The following PCARE variants were observed in gnomAD, a reference collection of about 807,000 sequenced individuals.
PCARE encodes the protein uncharacterized protein C2orf71.
Under a neutral mutation model 82.2 loss-of-function variants are expected in PCARE, and 72 were observed. The observed-to-expected ratio is 0.88, with a 90% CI of 0.72 to 1.07. The LOEUF is 1.07. Ranked by LOEUF, PCARE falls within the 50% of genes least tolerant of loss-of-function variation. The pLI, the probability that PCARE is intolerant of heterozygous loss-of-function variation, is 0.00. For missense variants in PCARE, 1,768 were observed against 1,592.4 expected, an observed-to-expected ratio of 1.11 and a Z score of -1.88; for synonymous variants, 705 against 634.8, an observed-to-expected ratio of 1.11 and a Z score of -1.66.
rs554207986 is a variant in PCARE, at chr2:29,070,988, G to C, written c.3274C>G (p.Pro1092Ala). 1.9e-6 allele frequency: 3 copies of C among 1,612,240 alleles called. No individual in the cohort carries two copies. Among genetic ancestry groups the C allele is most frequent in the African/African-American group, 1.3e-5 (1 of 74,258 alleles). The change falls in exon 1 of 2, where the codon CCA becomes GCA. Residue 1092 changes from proline to alanine, a missense_variant. Coordinates refer to ENST00000331664, the MANE Select transcript of PCARE (RefSeq NM_001029883.3). ...PPFSIPSPSP[P>A]MSPSQEHKET... ...TTGTGCTCCTGAGAAGGGGACATTG[G>C]GGGTGATGGGGAGGGAATCGAGAAA... is the stretch of plus-strand genomic sequence containing the variant.
chr2:29,070,467 C>G, intron 1 of PCARE, 127 bp downstream of exon 1: 1 of 1,312,628 alleles, frequency 7.6e-7, no homozygotes, highest in Non-Finnish European at 1.1e-6. Context: ...ACACCTTTTT[C>G]CCAACTGCCT....
Position 29,064,818 on chromosome 2 carries a change from A to G in PCARE, c.*51T>C, listed in dbSNP as rs1463167283. The stretch of plus-strand genomic sequence containing the variant: ...GGGTCAGGCTGGACACTTGGCTGTC[A>G]CACTTGGCCTTCTGGGGTGACTGCG... On this transcript the variant is annotated 3_prime_UTR_variant, in exon 2 of 2. Transcript: ENST00000331664. 6.2e-7 allele frequency: 1 copy of G among 1,603,356 alleles called. No individual in the cohort carries two copies. Among genetic ancestry groups the G allele is most frequent in the African/African-American group, 1.3e-5 (1 of 74,828 alleles).
In PCARE at chr2:29,072,735, A is replaced by C; in HGVS notation, c.1527T>G (p.Thr509=). Residue 509 remains threonine (T), a synonymous_variant, in exon 1 of 2, where the codon ACT becomes ACG. Transcript: ENST00000331664. The stretch of plus-strand genomic sequence containing the variant: ...GTGAAGATTGTGGCCTTGAATGTGG[A>C]GTTTTTTCCTGCCAGGCACACAGAC... The part of the protein sequence containing the change: ...SMSLCAWQEK[T]PHSRPQSSPA... 2 of 1,613,636 alleles carry C rather than the reference A, an allele frequency of 1.2e-6. No homozygotes were observed. Among genetic ancestry groups the C allele is most frequent in the Non-Finnish European group, 1.7e-6 (2 of 1,179,930 alleles).
rs1272639076 is a variant in PCARE at position 29,061,908 on chromosome 2, G to A, written c.*2961C>T. On this transcript the variant is annotated 3_prime_UTR_variant, in exon 2 of 2. Transcript: ENST00000331664. Reference sequence around the variant, plus strand: ...CACCAGCAATGCGTGCTCCAAGGCAGACTCAAGTTTGTGGAAGACCTGGTC... The same window carrying A: ...CACCAGCAATGCGTGCTCCAAGGCAAACTCAAGTTTGTGGAAGACCTGGTC... The A allele has an allele frequency of 6.6e-6, 1 of 152,226 alleles. No individual in the cohort carries two copies. Among genetic ancestry groups the A allele is most frequent in the African/African-American group, 2.4e-5 (1 of 41,454 alleles). The allele number at this position is 152,226 out of a possible 1,614,324, so 9.4% of individuals were successfully genotyped here.
In PCARE at chr2:29,071,687, G is replaced by T. The variant is rs1379036045; in HGVS notation, c.2575C>A (p.Pro859Thr). 1.2e-6 allele frequency: 2 copies of T among 1,614,084 alleles called. No homozygotes were observed. The highest frequency in any genetic ancestry group is 4.5e-5 in the East Asian group (2 of 44,878). ...GGCCCTGGCTCCTGGGTTTCCTTGG[G>T]GGAGTTCTCTGTGGACTTGCTGCTT... The part of the protein sequence containing the change: ...PESSKSTENS[P>T]KETQEPGPGE... Residue 859 changes from proline to threonine, a missense_variant, in exon 1 of 2, where the codon CCC (proline) becomes ACC (threonine). Coordinates refer to ENST00000331664, the MANE Select transcript of PCARE (RefSeq NM_001029883.3).
chr2:29,073,023 C>A lies in PCARE; in HGVS notation c.1239G>T (p.Leu413=). The A allele has an allele frequency of 6.2e-7, 1 of 1,614,140 alleles. No individual in the cohort carries two copies. The highest frequency in any genetic ancestry group is 8.5e-7 in the Non-Finnish European group (1 of 1,180,006). ...CCTTTGCCATAGGAGCCCCTGAGAG[C>A]AGGCAGTCCTGGGGTCTGCCTGAGC... is the stretch of plus-strand genomic sequence containing the variant. The part of the protein sequence containing the change: ...CLGSGRPQDC[L]LSGAPMAKVQ... Residue 413 remains leucine, a synonymous_variant, in exon 1 of 2, where the codon CTG becomes CTT. Coordinates refer to ENST00000331664, the MANE Select transcript of PCARE (RefSeq NM_001029883.3).
chr2:29,074,232 A>G lies in PCARE; in HGVS notation c.30T>C (p.Leu10=). The change falls in exon 1 of 2, where the codon CTT becomes CTC. Residue 10 remains leucine, a synonymous_variant. Coordinates refer to ENST00000331664, the MANE Select transcript of PCARE (RefSeq NM_001029883.3). ...TGCCACTCTTTGCAACGCTGTTTAC[A>G]AGGTCACTGTGTGAAGGTGTACACC... MGCTPSHSD[L]VNSVAKSGIQ... 1 of 1,572,776 alleles carries G rather than the reference A, an allele frequency of 6.4e-7. No individual in the cohort carries two copies. Among genetic ancestry groups the G allele is most frequent in the Non-Finnish European group, 8.6e-7 (1 of 1,159,782 alleles).
rs1033588097 is a variant in PCARE, at chr2:29,067,764, G to A, written c.3669-2697C>T. ...TTTACCATGGTGGCCAGGCTGGTCT[G>A]AAACTCCTGACCTCAGGTGATTCAC... is the stretch of plus-strand genomic sequence containing the variant. On this transcript the variant is annotated intron_variant, in intron 1 of 1. Coordinates refer to ENST00000331664, the MANE Select transcript of PCARE (RefSeq NM_001029883.3). 5.3e-5 allele frequency among the ~76,000 whole-genome samples: 8 copies of A among 152,052 alleles called. No individual in the cohort carries two copies. The East Asian group carries it at 1.2e-3, about 22-fold the overall frequency.
At position 29,073,317 on chromosome 2, in the gene PCARE, C is replaced by G. The variant is rs527538319; in HGVS notation, c.945G>C (p.Arg315Ser). 10 of 1,614,156 alleles carry G rather than the reference C, an allele frequency of 6.2e-6. No homozygotes were observed. Among genetic ancestry groups the G allele is most frequent in the Non-Finnish European group, 7.6e-6 (9 of 1,180,036 alleles). The change falls in exon 1 of 2, where the codon AGG becomes AGC. Residue 315 changes from arginine to serine, a missense_variant. Coordinates refer to ENST00000331664, the MANE Select transcript of PCARE (RefSeq NM_001029883.3). ...CCCTCAGGAGGCGTTCATCCACATT[C>G]CTTTTTGTGCTCAGCTTATTTTCCA... ...THLENKLSTK[R>S]NVDERLLRAL...
Position 29,071,013 on chromosome 2 carries a change from AGG to A in PCARE, c.3247_3248del (p.Pro1083PhefsTer23), listed in dbSNP as rs754349082. ...PPTQHPEASP[P>X]FSIPSPSPPM... ...GGGGTGATGGGGAGGGAATCGAGAA[AGG>A]GGGGCTTGCTTCTGGGTGCTGGGTT... On this transcript the variant is annotated frameshift_variant, in exon 1 of 2. Transcript: ENST00000331664. LOFTEE classifies it high-confidence loss of function. 1 of 1,123,172 alleles carries A rather than the reference AGG, an allele frequency of 8.9e-7. No homozygotes were observed. The highest frequency in any genetic ancestry group is 1.8e-5 in the South Asian group (1 of 56,610). 69.6% of individuals were successfully genotyped at this position (1,123,172 alleles called of 1,614,324 possible). A position where few individuals can be genotyped will look rare whatever the true frequency, so the allele number is the denominator to read the frequency against.
chr2:29,064,886 G>T lies in PCARE; in HGVS notation c.3850C>A (p.Gln1284Lys), dbSNP rs1300325232. The change falls in exon 2 of 2, where the codon CAA becomes AAA. Residue 1284 changes from glutamine (Q) to lysine (K), a missense_variant. Coordinates refer to ENST00000331664, the MANE Select transcript of PCARE (RefSeq NM_001029883.3). Reference protein sequence around the residue: ...DKSQPEAQPQQEEVS With the variant: ...DKSQPEAQPQKEEVS ...TCAGCCTGTCAGGACACCTCCTCTT[G>T]CTGGGGCTGCGCCTCTGGCTGGGAT... The T allele has an allele frequency of 1.2e-6, 2 of 1,611,564 alleles. No homozygotes were observed. The highest frequency in any genetic ancestry group is 2.2e-5 in the East Asian group (1 of 44,858).
At position 29,074,400 on chromosome 2, in the gene PCARE, C is replaced by T; in HGVS notation, c.-139G>A. Reference sequence around the variant, plus strand: ...TTCTTTGAAGTCCATGGTACAATATCCTAAACTTGGAACCAGCTTTCTTTA... The same window carrying T: ...TTCTTTGAAGTCCATGGTACAATATTCTAAACTTGGAACCAGCTTTCTTTA... On this transcript the variant is annotated 5_prime_UTR_variant, in exon 1 of 2. Transcript: ENST00000331664. The T allele has an allele frequency of 1.2e-6, 1 of 863,710 alleles. No individual in the cohort carries two copies. The highest frequency in any genetic ancestry group is 1.7e-6 in the Non-Finnish European group (1 of 586,392). The allele number at this position is 863,710 out of a possible 1,614,324, so 53.5% of individuals were successfully genotyped here.
chr2:29,064,413 T>A lies in PCARE; in HGVS notation c.*456A>T. The A allele has an allele frequency of 4.2e-6, 1 of 240,950 alleles. No individual in the cohort carries two copies. The highest frequency in any genetic ancestry group is 6.4e-5 in the South Asian group (1 of 15,742). The allele number at this position is 240,950 out of a possible 1,614,324, so 14.9% of individuals were successfully genotyped here. On this transcript the variant is annotated 3_prime_UTR_variant, in exon 2 of 2. Coordinates refer to ENST00000331664, the MANE Select transcript of PCARE (RefSeq NM_001029883.3). ...TTGCTCTATTCTCTTCTTAGCTGTA[T>A]GACCTTCAGCCAGACACTTGAGGGG...
intron 1 of PCARE, among the ~76,000 whole-genome samples, 168 bp downstream of exon 1, chr2:29,070,426 T>G (rs1012908683): frequency 6.6e-6 from 1 of 152,120 alleles, no homozygotes; most frequent in Admixed American, 6.5e-5. Flanking sequence ...TAACTCAAGG[T>G]TGGAGAGTGG....
In PCARE at chr2:29,073,011, A is replaced by G. The variant is rs765199610; in HGVS notation, c.1251T>C (p.Ala417=). 6.2e-7 allele frequency: 1 copy of G among 1,614,020 alleles called. No individual in the cohort carries two copies. Among genetic ancestry groups the G allele is most frequent in the Non-Finnish European group, 8.5e-7 (1 of 1,179,986 alleles). Residue 417 remains alanine (A), a synonymous_variant, in exon 1 of 2, where the codon GCT becomes GCC. Coordinates refer to ENST00000331664, the MANE Select transcript of PCARE (RefSeq NM_001029883.3). ...GRPQDCLLSG[A]PMAKVQPRAQ... ...CTCGTGGCTGAACCTTTGCCATAGG[A>G]GCCCCTGAGAGCAGGCAGTCCTGGG... is the stretch of plus-strand genomic sequence containing the variant.
chr2:29,063,938 C>T lies in PCARE; in HGVS notation c.*931G>A, dbSNP rs1321851717. 1 of 153,042 alleles carries T rather than the reference C, an allele frequency of 6.5e-6. No homozygotes were observed. Among genetic ancestry groups the T allele is most frequent in the Non-Finnish European group, 1.5e-5 (1 of 68,054 alleles). The allele number at this position is 153,042 out of a possible 1,614,324, so 9.5% of individuals were successfully genotyped here. On this transcript the variant is annotated 3_prime_UTR_variant, in exon 2 of 2. Coordinates refer to ENST00000331664, the MANE Select transcript of PCARE (RefSeq NM_001029883.3). ...ACGCTATCTTCTGAGCTCCAGCACC[C>T]ACGGCATGTGGAGAATGGGCTGCCT...
rs1176178976 is a variant in PCARE, at chr2:29,070,713, G to A, written c.3549C>T (p.Ala1183=). 1 of 1,614,132 alleles carries A rather than the reference G, an allele frequency of 6.2e-7. No homozygotes were observed. Among genetic ancestry groups the A allele is most frequent in the East Asian group, 2.2e-5 (1 of 44,868 alleles). The change falls in exon 1 of 2, where the codon GCC becomes GCT. Residue 1183 remains alanine, a synonymous_variant. Transcript: ENST00000331664. ...TCCTGAGGAAAGGCAGAGGGTTGAG[G>A]GCACACAGAGCTGCTCTCCGCTGCG... is the stretch of plus-strand genomic sequence containing the variant. ...ADSQRRAALC[A]LNPLPFLRRT...
Position 29,073,636 on chromosome 2 carries a change from G to GTGGCC in PCARE, c.621_625dup (p.Thr209ArgfsTer49). 1 of 1,614,210 alleles carries GTGGCC rather than the reference G, an allele frequency of 6.2e-7. No individual in the cohort carries two copies. The highest frequency in any genetic ancestry group is 8.5e-7 in the Non-Finnish European group (1 of 1,180,032). ...GGGCTGCAGCAGCTCCCGGGTCTGG[G>GTGGCC]TGGCCTGATGGATGATGCACAGAAT... On this transcript the variant is annotated frameshift_variant, in exon 1 of 2. Transcript: ENST00000331664. LOFTEE classifies it high-confidence loss of function.
chr2:29,066,615 T>A (rs1255531423), intron 1 of PCARE, among the ~76,000 whole-genome samples: 1 of 151,864 alleles, frequency 6.6e-6, no homozygotes, highest in Non-Finnish European at 1.5e-5. Flanking sequence ...GTGGTAGGAG[T>A]CGTGGGTAAG....
Sources: gnomAD v4.1 joint callset for allele counts (sites outside exome capture counted in the v4.1 genomes callset) on GRCh38, gnomAD v4.1.1 for gene constraint, MANE v1.5 for transcripts, NCBI Gene and HGNC (gene_info 2026-07-23, HGNC 2026-07-21) for gene names.